KCNIP4: variants seen among roughly 807,000 people sequenced by gnomAD.
KCNIP4 encodes the protein Kv channel-interacting protein 4.
Under a neutral mutation model 34.0 loss-of-function variants are expected in KCNIP4, and 12 were observed. That is an observed-to-expected ratio of 0.35 (90% CI 0.23 to 0.57). KCNIP4 has a LOEUF of 0.57. Ranked by LOEUF, KCNIP4 falls within the 20% of genes least tolerant of loss-of-function variation. KCNIP4 has a pLI of 0.83. For missense variants in KCNIP4, 238 were observed against 311.7 expected (o/e 0.76, Z 1.78); for synonymous variants, 124 against 102.2 (o/e 1.21, Z -1.29).
chr4:21,142,711 C>T (rs971534394), intron 1 of KCNIP4, among the ~76,000 whole-genome samples: 5 of 152,040 alleles, frequency 3.3e-5, no homozygotes, highest in Middle Eastern at 3.2e-3. Context: ...CAGGAACTGA[C>T]GCAAATTGGG....
chr4:21,884,720 C>A (rs1248707617), intron 1 of KCNIP4, among the ~76,000 whole-genome samples: 1 of 152,054 alleles, frequency 6.6e-6, no homozygotes, highest in Admixed American at 6.6e-5. Flanking sequence ...CTAGGGCCAA[C>A]CAGAAGAAAA....
At chr4:20,905,263 G>A (rs1170988107) in intron 1 of KCNIP4, among the ~76,000 whole-genome samples, 5 of 151,952 alleles carry the variant, frequency 3.3e-5, no homozygotes, top group Non-Finnish European at 7.4e-5. Flanking sequence ...GACCTCACAT[G>A]CCCTTTTCTC....
At chr4:20,742,306 C>G (rs960864742) in intron 5 of KCNIP4, among the ~76,000 whole-genome samples, 4 of 152,258 alleles carry the variant, frequency 2.6e-5, no homozygotes, top group Admixed American at 6.5e-5. Flanking sequence ...AACATCGATG[C>G]AAAAATCCTC....
At chr4:20,832,417 T>C (rs1718533659) in intron 3 of KCNIP4, among the ~76,000 whole-genome samples, 1 of 152,312 alleles carries the variant, frequency 6.6e-6, no homozygotes, top group Middle Eastern at 3.4e-3. Context: ...AGCTGAACAC[T>C]TGACTTCTGA....
chr4:21,280,808 C>T (rs962806976), intron 1 of KCNIP4, among the ~76,000 whole-genome samples: 4 of 152,106 alleles, frequency 2.6e-5, no homozygotes, highest in Admixed American at 6.6e-5. Flanking sequence ...GTACTGGGAA[C>T]TAGGACATGT....
intron 3 of KCNIP4, among the ~76,000 whole-genome samples, chr4:20,774,743 G>A (rs1381401430): frequency 6.6e-6 from 1 of 152,174 alleles, no homozygotes; most frequent in Non-Finnish European, 1.5e-5. Context: ...ATATTGCTGG[G>A]GAAGAGGCAA....
At chr4:20,921,901 ATGC>A (rs1324399765) in intron 1 of KCNIP4, among the ~76,000 whole-genome samples, 1 of 152,252 alleles carries the variant, frequency 6.6e-6, no homozygotes, top group Non-Finnish European at 1.5e-5. Flanking sequence ...TCTTTACAGT[ATGC>A]TAGATTTATG....
At chr4:20,970,199 C>T (rs980794939) in intron 1 of KCNIP4, among the ~76,000 whole-genome samples, 4 of 152,126 alleles carry the variant, frequency 2.6e-5, no homozygotes, top group African/African-American at 9.7e-5. Context: ...CCTCGGCCTC[C>T]CAAAGTGCTG....
At chr4:21,341,152 C>A (rs561472667) in intron 1 of KCNIP4, among the ~76,000 whole-genome samples, 1 of 152,202 alleles carries the variant, frequency 6.6e-6, no homozygotes, top group South Asian at 2.1e-4. Flanking sequence ...CCAACAACTA[C>A]TAGAAGCTAG....
At chr4:20,885,777 CCAAA>C (rs1725237445) in intron 1 of KCNIP4, among the ~76,000 whole-genome samples, 2 of 152,162 alleles carry the variant, frequency 1.3e-5, no homozygotes, top group Non-Finnish European at 1.5e-5. Context: ...ATAATGCAGT[CCAAA>C]CAAATATTAA....
rs144803438 is a variant in KCNIP4, at chr4:21,509,701, G to A, written c.61+438870C>T. Among the ~76,000 whole-genome samples the A allele has an allele frequency of 1.2e-3, 179 of 152,180 alleles. 3 individuals carry two copies. The East Asian group carries it at 0.028, about 24-fold the overall frequency. On this transcript the variant is annotated intron_variant, in intron 1 of 8. Transcript: ENST00000382152. ...CCCTATCTTTAGCTCCTAAGATGTTGGACTTTTGTTTTTGAGTGAAAACCA... is the reference window on the plus strand; with the variant it reads ...CCCTATCTTTAGCTCCTAAGATGTTAGACTTTTGTTTTTGAGTGAAAACCA...
intron 1 of KCNIP4, among the ~76,000 whole-genome samples, chr4:21,921,518 A>C (rs2108995849): frequency 6.6e-6 from 1 of 152,318 alleles, no homozygotes; most frequent in South Asian, 2.1e-4. Flanking sequence ...GAGATACCTT[A>C]ACTCTGACAT....
At chr4:21,583,493 T>C (rs1414486173) in intron 1 of KCNIP4, among the ~76,000 whole-genome samples, 1 of 152,032 alleles carries the variant, frequency 6.6e-6, no homozygotes, top group Admixed American at 6.6e-5. Context: ...AGGTTGAGAA[T>C]AGTCATAAAG....
chr4:21,208,394 G>C (rs918115013), intron 1 of KCNIP4, among the ~76,000 whole-genome samples: 4 of 152,032 alleles, frequency 2.6e-5, no homozygotes, highest in Non-Finnish European at 4.4e-5. Flanking sequence ...AGAATGTATG[G>C]TATTTGCCCC....
chr4:21,537,517 A>C (rs1232416259), intron 1 of KCNIP4, among the ~76,000 whole-genome samples: 1 of 152,044 alleles, frequency 6.6e-6, no homozygotes, highest in East Asian at 1.9e-4. Context: ...GAAAACAAAA[A>C]CAAAGAAAAA....
chr4:21,477,453 G>A (rs1286680690), intron 1 of KCNIP4, among the ~76,000 whole-genome samples: 1 of 152,110 alleles, frequency 6.6e-6, no homozygotes, highest in Non-Finnish European at 1.5e-5. Context: ...AAAATAGCCA[G>A]TTTCTCAGTA....
At chr4:21,849,895 A>G (rs1256193462) in intron 1 of KCNIP4, 1 of 151,960 alleles carries the variant, frequency 6.6e-6, no homozygotes, top group Non-Finnish European at 1.5e-5. Context: ...CACAAATAAG[A>G]CTTAGGCCTT....
chr4:20,815,084 C>T (rs571538812), intron 3 of KCNIP4, among the ~76,000 whole-genome samples: 1 of 152,266 alleles, frequency 6.6e-6, no homozygotes, highest in African/African-American at 2.4e-5. Flanking sequence ...ATTATTGCTA[C>T]TACTGGCTGA....
chr4:21,596,563 T>C (rs1742661465), intron 1 of KCNIP4, among the ~76,000 whole-genome samples: 1 of 152,100 alleles, frequency 6.6e-6, no homozygotes, highest in African/African-American at 2.4e-5. Context: ...TATCTCCATC[T>C]ACCTTTCCTG....
Sources: allele counts gnomAD v4.1 joint callset (sites outside exome capture counted in the v4.1 genomes callset), GRCh38; gene constraint gnomAD v4.1.1; transcripts MANE v1.5; gene names NCBI Gene and HGNC (gene_info 2026-07-23, HGNC 2026-07-21).